The following DHX16 variants were observed in gnomAD, a reference collection of about 807,000 sequenced individuals.
DHX16 encodes DEAH-box helicase 16.
DHX16 carries 81 observed loss-of-function variants against 131.2 expected under a neutral mutation model. The ratio of observed to expected loss-of-function variants is 0.62; its 90% CI spans 0.52 to 0.74. The LOEUF is 0.74. Among genes scored for constraint, DHX16 ranks in the 30% least tolerant of loss-of-function variants. The pLI, the probability that DHX16 is intolerant of heterozygous loss-of-function variation, is 0.00. For missense variants in DHX16, 980 were observed against 1,363.1 expected (o/e 0.72, Z 4.43); for synonymous variants, 440 against 520.2 (o/e 0.85, Z 2.10).
chr6:30,666,560 C>A (rs1219412473), intron 4 of DHX16, among the ~76,000 whole-genome samples: 1 of 152,136 alleles, frequency 6.6e-6, no homozygotes, highest in Non-Finnish European at 1.5e-5. Flanking sequence ...GTAATCCCAG[C>A]ACTTTGAAAG....
intron 12 of DHX16, among the ~76,000 whole-genome samples, chr6:30,658,921 T>C (rs3094099): frequency 0.14 from 21,404 of 151,672 alleles, 2,386 homozygotes; most frequent in African/African-American, 0.3. Flanking sequence ...GAGTCTCGCA[T>C]TGTCACCCAG....
chr6:30,656,659 G>A lies in DHX16; in HGVS notation c.2249C>T (p.Thr750Ile). 6.2e-7 allele frequency: 1 copy of A among 1,614,072 alleles called. No homozygotes were observed. The highest frequency in any genetic ancestry group is 8.5e-7 in the Non-Finnish European group (1 of 1,180,034). The stretch of plus-strand genomic sequence containing the variant: ...GGTCCTCTGGATCTCAGGCACTGTG[G>A]TTTCCTCAAGCTCGTGCTGATAGGC... The part of the protein sequence containing the change: ...AWAYQHELEE[T>I]TVPEIQRTSL... The change falls in exon 14 of 20, where the codon ACC becomes ATC. Residue 750 changes from threonine (T) to isoleucine (I), a missense_variant. Thr to Ile is a moderately conservative substitution (Grantham distance 89, BLOSUM62 -1). This residue lies in a region of DHX16 where 309 missense variants were observed against 537.1 expected (regional missense o/e 0.58). Coordinates refer to ENST00000376442, the MANE Select transcript of DHX16 (RefSeq NM_003587.5). This position sits in a 1 kb window ranked among gnomAD's most constrained non-coding sequence, Gnocchi z 5.1.
At chr6:30,672,100 G>C (rs1410831195) in intron 1 of DHX16, among the ~76,000 whole-genome samples, 1 of 151,700 alleles carries the variant, frequency 6.6e-6, no homozygotes, top group African/African-American at 2.4e-5. Flanking sequence ...CTTGAGCTGA[G>C]GAGTTAGAGA....
chr6:30,660,348 GA>G, intron 9 of DHX16, 106 bp from the exon 10 acceptor site: 2 of 939,986 alleles, frequency 2.1e-6, no homozygotes, highest in Non-Finnish European at 3.0e-6. Flanking sequence ...AAGAGTTCAA[GA>G]ATGACTGTTG....
chr6:30,670,247 C>A lies in DHX16; in HGVS notation c.666+163G>T, dbSNP rs961948970. Among the ~76,000 whole-genome samples the A allele has an allele frequency of 2.6e-5, 4 of 152,172 alleles. No homozygotes were observed. The highest frequency in any genetic ancestry group is 9.7e-5 in the African/African-American group (4 of 41,438). ...GGATCCTTCCCTCAACAACATAAGT[C>A]TATCCTCAGCTGGCTCCTAACAACC... On this transcript the variant is annotated intron_variant, in intron 4 of 19. Transcript: ENST00000376442. This position sits in a 1 kb window ranked among gnomAD's most constrained non-coding sequence, Gnocchi z 4.4.
chr6:30,654,294 A>G (rs1767746056), intron 19 of DHX16, among the ~76,000 whole-genome samples: 1 of 151,904 alleles, frequency 6.6e-6, no homozygotes, highest in Non-Finnish European at 1.5e-5. Flanking sequence ...TGGGCTGGGC[A>G]TGGTGGCTCA....
chr6:30,660,601 G>A (rs1768420348), intron 9 of DHX16: 3 of 216,000 alleles, frequency 1.4e-5, no homozygotes, highest in Non-Finnish European at 2.7e-5. Flanking sequence ...TTTTAGGCTG[G>A]GCATGGTGGT....
chr6:30,664,477 CAAAAAAAAA>C (rs10627470), intron 7 of DHX16, among the ~76,000 whole-genome samples: 5 of 75,670 alleles, frequency 6.6e-5, no homozygotes, highest in Non-Finnish European at 1.5e-4. Context: ...ACTCCGTCTC[CAAAAAAAAA>C]AAAAAAAAAC....
chr6:30,654,114 T>TCC (rs67514272), intron 19 of DHX16, among the ~76,000 whole-genome samples: 1 of 147,304 alleles, frequency 6.8e-6, no homozygotes, highest in East Asian at 2.1e-4. Flanking sequence ...CACGGAACTC[T>TCC]CAAAAAAAAG....
chr6:30,658,123 T>C (rs1354695518), intron 12 of DHX16, among the ~76,000 whole-genome samples: 1 of 152,190 alleles, frequency 6.6e-6, no homozygotes, highest in Non-Finnish European at 1.5e-5. Context: ...AGTCCAAACT[T>C]CGCCAAGCAC....
In DHX16 at chr6:30,665,039, T is replaced by C. The variant is rs756390767; in HGVS notation, c.1125+32A>G. 4 of 1,613,772 alleles carry C rather than the reference T, an allele frequency of 2.5e-6. No individual in the cohort carries two copies. The highest frequency in any genetic ancestry group is 3.3e-5 in the Admixed American group (2 of 59,976). On this transcript the variant is annotated intron_variant, in intron 6 of 19. Coordinates refer to ENST00000376442, the MANE Select transcript of DHX16 (RefSeq NM_003587.5). The surrounding 1 kb of genome is among the most constrained non-coding windows in gnomAD (Gnocchi z 4.8). ...TGAGCTAAATAGCTCGCTACGGGTC[T>C]TCCTCAGAAAGTCTCCCAGCTCCCC... is the stretch of plus-strand genomic sequence containing the variant.
In DHX16 at chr6:30,673,005, G is replaced by A. The variant is rs774865013; in HGVS notation, c.-164C>T. The A allele has an allele frequency of 8.4e-6, 13 of 1,549,602 alleles. No individual in the cohort carries two copies. Among genetic ancestry groups the A allele is most frequent in the South Asian group, 6.0e-5 (5 of 83,316 alleles). ...CATCCCAAAGCTGTCTTCCCGTACCGCGGAGCCCGGAAGGGGCTGTACTTT... is the reference window on the plus strand; with the variant it reads ...CATCCCAAAGCTGTCTTCCCGTACCACGGAGCCCGGAAGGGGCTGTACTTT... On this transcript the variant is annotated 5_prime_UTR_variant, in exon 1 of 20. Transcript: ENST00000376442.
At chr6:30,657,124 C>A in intron 12 of DHX16, 32 bp from the exon 13 acceptor site, 1 of 1,584,302 alleles carries the variant, frequency 6.3e-7, no homozygotes, top group Non-Finnish European at 8.6e-7. Flanking sequence ...CACCCAGTGA[C>A]CCCACCTACC....
At position 30,671,106 on chromosome 6, in the gene DHX16, TC is replaced by T; in HGVS notation, c.375del (p.Lys126AsnfsTer137). On this transcript the variant is annotated frameshift_variant, in exon 2 of 20. Transcript: ENST00000376442. LOFTEE classifies it high-confidence loss of function. ...GSSLQKKRKK[R>X]KHLRKKREEE... ...TCCTCACGCTTCTTCCTGAGGTGTT[TC>T]CGCTTTTTACGTTTCTTCTGGAGGC... The T allele has an allele frequency of 6.2e-7, 1 of 1,613,126 alleles. No individual in the cohort carries two copies. Among genetic ancestry groups the T allele is most frequent in the East Asian group, 2.2e-5 (1 of 44,886 alleles).
At chr6:30,657,143 C>G (rs770860925) in intron 12 of DHX16, 51 bp from the exon 13 acceptor site, 1 of 1,561,242 alleles carries the variant, frequency 6.4e-7, no homozygotes, top group South Asian at 1.2e-5. Context: ...CCTAGTTACC[C>G]AGAAAAAGTA....
In DHX16 at chr6:30,662,874, C is replaced by T; in HGVS notation, c.1428+37G>A. ...AGGGAACTGTAGACTGAGTCACAGA[C>T]CCCAGACTCTACCCCCCGGTTCCCT... is the stretch of plus-strand genomic sequence containing the variant. On this transcript the variant is annotated intron_variant, in intron 8 of 19. Coordinates refer to ENST00000376442, the MANE Select transcript of DHX16 (RefSeq NM_003587.5). This position sits in a 1 kb window ranked among gnomAD's most constrained non-coding sequence, Gnocchi z 4.7. 1.3e-6 allele frequency: 2 copies of T among 1,590,690 alleles called. No homozygotes were observed. Among genetic ancestry groups the T allele is most frequent in the Non-Finnish European group, 1.7e-6 (2 of 1,160,786 alleles).
intron 1 of DHX16, 84 bp from the exon 2 acceptor site, chr6:30,671,358 T>C (rs1264040718): frequency 1.3e-5 from 17 of 1,321,022 alleles, no homozygotes; most frequent in African/African-American, 4.4e-5. Context: ...ATTTAAGCAA[T>C]TACTTAGTCT....
rs531406624 is a variant in DHX16, at chr6:30,670,945, T to G, written c.454A>C (p.Lys152Gln). 6.2e-7 allele frequency: 1 copy of G among 1,613,082 alleles called. No individual in the cohort carries two copies. The highest frequency in any genetic ancestry group is 8.5e-7 in the Non-Finnish European group (1 of 1,180,018). ...EKGKKKTGGSKQQTEKPESED... is the reference protein window; with the variant it reads ...EKGKKKTGGSQQQTEKPESED... ...GACTCTGGCTTCTCTGTCTGCTGTTTACTCCCCCTGCAGCCCATCCAGGGG... is the reference window on the plus strand; with the variant it reads ...GACTCTGGCTTCTCTGTCTGCTGTTGACTCCCCCTGCAGCCCATCCAGGGG... The change falls in exon 3 of 20, where the codon AAA (lysine) becomes CAA (glutamine). Residue 152 changes from lysine (K) to glutamine (Q), a missense_variant. This residue lies in a region of DHX16 where 457 missense variants were observed against 554.8 expected (regional missense o/e 0.82). Coordinates refer to ENST00000376442, the MANE Select transcript of DHX16 (RefSeq NM_003587.5). This position sits in a 1 kb window ranked among gnomAD's most constrained non-coding sequence, Gnocchi z 4.4.
chr6:30,671,738 A>T (rs1769577332), intron 1 of DHX16, among the ~76,000 whole-genome samples: 1 of 149,824 alleles, frequency 6.7e-6, no homozygotes, highest in Admixed American at 6.6e-5. Context: ...GGGGTTTTTT[A>T]TTTTTTTTTA....
Sources: allele counts gnomAD v4.1 joint callset (sites outside exome capture counted in the v4.1 genomes callset), GRCh38; gene constraint gnomAD v4.1.1; regional missense constraint gnomAD v4.1.1; non-coding constraint Gnocchi (gnomAD v3.1); transcripts MANE v1.5; gene names NCBI Gene and HGNC (gene_info 2026-07-23, HGNC 2026-07-21).